MAST4: variants seen among roughly 807,000 people sequenced by gnomAD.
The protein encoded by MAST4 is microtubule-associated serine/threonine-protein kinase 4.
In MAST4, 89 loss-of-function variants were observed where a neutral mutation model predicts 162.7. The ratio of observed to expected loss-of-function variants is 0.55; its 90% CI spans 0.46 to 0.65. MAST4 has a LOEUF of 0.65. Ranked by LOEUF, MAST4 falls within the 30% of genes least tolerant of loss-of-function variation. The pLI is 0.00. For missense variants in MAST4, 3,153 were observed against 3,374.0 expected (o/e 0.93, Z 1.62); for synonymous variants, 1,479 against 1,361.1 (o/e 1.09, Z -1.91).
intron 5 of MAST4, among the ~76,000 whole-genome samples, chr5:67,065,352 C>G (rs1366253098): frequency 6.6e-6 from 1 of 152,162 alleles, no homozygotes; most frequent in Non-Finnish European, 1.5e-5. Flanking sequence ...CTAGCTCACT[C>G]GTCAGCAGTT....
intron 3 of MAST4, among the ~76,000 whole-genome samples, chr5:66,845,743 G>A (rs981496638): frequency 5.3e-5 from 8 of 152,066 alleles, no homozygotes; most frequent in African/African-American, 7.2e-5. Context: ...GTGTAAAAGC[G>A]TTCCTATTTC....
rs375504484 is a variant in MAST4, at chr5:67,117,160, A to T, written c.1592-1522A>T. Among the ~76,000 whole-genome samples, 12 of 152,320 alleles carry T rather than the reference A, an allele frequency of 7.9e-5. No homozygotes were observed. In the South Asian group the frequency reaches 2.5e-3, roughly 32 times the overall value. ...GCTGTTGCTGTTTTATTTAAATACTACTAATTTTTGCCCCTTTCCTTGAGA... is the reference window on the plus strand; with the variant it reads ...GCTGTTGCTGTTTTATTTAAATACTTCTAATTTTTGCCCCTTTCCTTGAGA... On this transcript the variant is annotated intron_variant, in intron 12 of 28. Coordinates refer to ENST00000403625, the MANE Select transcript of MAST4 (RefSeq NM_001164664.2).
At chr5:66,650,443 C>T (rs1196019850) in intron 1 of MAST4, among the ~76,000 whole-genome samples, 3 of 152,100 alleles carry the variant, frequency 2.0e-5, no homozygotes, top group Non-Finnish European at 4.4e-5. Context: ...GATATGACAT[C>T]ACTGGAAAGA....
At chr5:66,815,348 T>C (rs1756666292) in intron 3 of MAST4, among the ~76,000 whole-genome samples, 1 of 152,216 alleles carries the variant, frequency 6.6e-6, no homozygotes, top group South Asian at 2.1e-4. Context: ...AATGGGTGAA[T>C]ACAGTACAGT....
intron 1 of MAST4, among the ~76,000 whole-genome samples, chr5:66,652,414 A>T (rs922206120): frequency 6.6e-6 from 1 of 152,230 alleles, no homozygotes; most frequent in African/African-American, 2.4e-5. Flanking sequence ...CATTTAAATT[A>T]AAAAAGTTCA....
chr5:67,123,605 A>G (rs1392858404), intron 14 of MAST4, among the ~76,000 whole-genome samples: 2 of 152,154 alleles, frequency 1.3e-5, no homozygotes, highest in Non-Finnish European at 2.9e-5. Flanking sequence ...TTCTCTCTAT[A>G]AGGTATCCAT....
intron 17 of MAST4, 50 bp downstream of exon 17, chr5:67,133,696 G>A: frequency 6.3e-7 from 1 of 1,598,344 alleles, no homozygotes; most frequent in Non-Finnish European, 8.5e-7. Context: ...GTATGGTATT[G>A]CCAGTGAAGT....
At chr5:67,075,945 G>T (rs945285169) in intron 5 of MAST4, among the ~76,000 whole-genome samples, 1 of 152,006 alleles carries the variant, frequency 6.6e-6, no homozygotes, top group Non-Finnish European at 1.5e-5. Flanking sequence ...TCCTATTGTA[G>T]TAGTCCTGGG....
intron 1 of MAST4, among the ~76,000 whole-genome samples, chr5:66,612,040 C>T (rs1436529128): frequency 2.0e-5 from 3 of 152,168 alleles, no homozygotes; most frequent in Admixed American, 6.5e-5. Context: ...CAGCTTCCCA[C>T]TTAGGATGCC....
At chr5:66,753,213 T>C (rs937510160) in intron 1 of MAST4, among the ~76,000 whole-genome samples, 1 of 151,960 alleles carries the variant, frequency 6.6e-6, no homozygotes, top group Non-Finnish European at 1.5e-5. Flanking sequence ...AGATCCAAAA[T>C]TGACACCCTA....
intron 3 of MAST4, among the ~76,000 whole-genome samples, chr5:66,807,378 C>T (rs1756243358): frequency 6.6e-6 from 1 of 152,050 alleles, no homozygotes; most frequent in East Asian, 1.9e-4. Flanking sequence ...CGCCTTTAGT[C>T]CCAGCTACTC....
At chr5:67,071,904 A>G (rs1761045622) in intron 5 of MAST4, among the ~76,000 whole-genome samples, 2 of 151,990 alleles carry the variant, frequency 1.3e-5, no homozygotes, top group South Asian at 4.1e-4. Flanking sequence ...ATGATAATTC[A>G]CTAATAGCAA....
At chr5:66,767,288 CA>C (rs1754146423) in intron 2 of MAST4, among the ~76,000 whole-genome samples, 1 of 151,670 alleles carries the variant, frequency 6.6e-6, no homozygotes, top group Non-Finnish European at 1.5e-5. Context: ...GGGAGCAGGG[CA>C]CTTACTAAGT....
rs553831167 is a variant in MAST4, at chr5:67,067,300, T to A, written c.763+12808T>A. Among the ~76,000 whole-genome samples, 3 of 152,334 alleles carry A rather than the reference T, an allele frequency of 2.0e-5. No individual in the cohort carries two copies. In the South Asian group the frequency reaches 6.2e-4, roughly 32 times the overall value. ...CCCTCCCAGTTAGCAGCAATTCTAC[T>A]TTGGGCAGTTCACTCTCTGGGTCTC... is the stretch of plus-strand genomic sequence containing the variant. On this transcript the variant is annotated intron_variant, in intron 5 of 28. Coordinates refer to ENST00000403625, the MANE Select transcript of MAST4 (RefSeq NM_001164664.2).
chr5:66,919,535 C>T (rs1310407935), intron 4 of MAST4, among the ~76,000 whole-genome samples: 1 of 151,920 alleles, frequency 6.6e-6, no homozygotes, highest in Non-Finnish European at 1.5e-5. Flanking sequence ...GTGGCACACG[C>T]CTGTAATCTC....
At chr5:67,107,101 T>TCAGC (rs773390195) in intron 10 of MAST4, among the ~76,000 whole-genome samples, 4 of 152,356 alleles carry the variant, frequency 2.6e-5, no homozygotes, top group African/African-American at 4.8e-5. Context: ...AATTCTGTAG[T>TCAGC]CAGCCTCTGT....
intron 3 of MAST4, among the ~76,000 whole-genome samples, chr5:66,830,286 G>A (rs1757513260): frequency 1.3e-5 from 2 of 152,102 alleles, no homozygotes; most frequent in African/African-American, 4.8e-5. Flanking sequence ...TGTTATTTCT[G>A]TAATATGTCT....
intron 1 of MAST4, among the ~76,000 whole-genome samples, chr5:66,695,845 T>C (rs1749363855): frequency 1.3e-5 from 2 of 152,176 alleles, no homozygotes; most frequent in African/African-American, 4.8e-5. Context: ...AGCAATCCCA[T>C]TATTGGTTAT....
At chr5:66,909,121 C>A (rs968877698) in intron 4 of MAST4, among the ~76,000 whole-genome samples, 6 of 152,116 alleles carry the variant, frequency 3.9e-5, no homozygotes, top group African/African-American at 1.4e-4. Flanking sequence ...AAAGCCAGAT[C>A]ATTGGAGTAG....
Sources: gnomAD v4.1 joint callset for allele counts (sites outside exome capture counted in the v4.1 genomes callset) on GRCh38, gnomAD v4.1.1 for gene constraint, MANE v1.5 for transcripts, NCBI Gene and HGNC (gene_info 2026-07-23, HGNC 2026-07-21) for gene names.